The following DCP2 variants were observed in gnomAD, a reference collection of about 807,000 sequenced individuals.
The protein encoded by DCP2 is m7GpppN-mRNA hydrolase.
A neutral mutation model predicts 56.1 loss-of-function variants in DCP2; 30 were observed. The ratio of observed to expected loss-of-function variants is 0.53; its 90% CI spans 0.40 to 0.73. The LOEUF (loss-of-function observed/expected upper bound fraction) is 0.73, where lower values mean the gene tolerates loss of function less well. Ranked by LOEUF, DCP2 falls within the 30% of genes least tolerant of loss-of-function variation. The pLI is 0.00. For synonymous variants in DCP2, 197 were observed against 163.3 expected (o/e 1.21, Z -1.57); for missense variants, 533 against 502.7 (o/e 1.06, Z -0.58).
intron 2 of DCP2, among the ~76,000 whole-genome samples, chr5:112,990,718 A>C (rs1748546839): frequency 6.6e-6 from 1 of 152,204 alleles, no homozygotes; most frequent in Non-Finnish European, 1.5e-5. Context: ...CTAGGGTTAC[A>C]GGTATGAGCC....
chr5:113,002,624 A>C (rs918997222), intron 7 of DCP2, among the ~76,000 whole-genome samples: 1 of 152,022 alleles, frequency 6.6e-6, no homozygotes, highest in Non-Finnish European at 1.5e-5. Flanking sequence ...GGACTCAAGT[A>C]ATCATCCCAC....
intron 4 of DCP2, among the ~76,000 whole-genome samples, chr5:112,995,564 G>GCA (rs1748809985): frequency 6.6e-6 from 1 of 152,164 alleles, no homozygotes; most frequent in Non-Finnish European, 1.5e-5. Context: ...TTTGAGGGAA[G>GCA]CACAGGCATC....
intron 1 of DCP2, among the ~76,000 whole-genome samples, chr5:112,980,361 TTAAA>T (rs1747945383): frequency 6.6e-6 from 1 of 152,242 alleles, no homozygotes; most frequent in Non-Finnish European, 1.5e-5. Flanking sequence ...CGTAGGTTAA[TTAAA>T]TAATTTGTGC....
At position 112,978,355 on chromosome 5, in the gene DCP2, C is replaced by A. The variant is rs1747826471; in HGVS notation, c.53+1369C>A. On this transcript the variant is annotated intron_variant, in intron 1 of 10. Transcript: ENST00000389063. Reference sequence around the variant, plus strand: ...CTCAGTCAGCCGTGTTTGGTAGGTGCAGTTAGTATATTTCCATTTTCATCT... The same window carrying A: ...CTCAGTCAGCCGTGTTTGGTAGGTGAAGTTAGTATATTTCCATTTTCATCT... Among the ~76,000 whole-genome samples the A allele has an allele frequency of 2.6e-5, 4 of 152,164 alleles. No homozygotes were observed. In the South Asian group the frequency reaches 8.3e-4, roughly 32 times the overall value.
intron 4 of DCP2, 28 bp downstream of exon 4, chr5:112,992,798 A>T (rs1748653003): frequency 6.5e-7 from 1 of 1,533,112 alleles, no homozygotes; most frequent in South Asian, 1.3e-5. Context: ...GATACACAGT[A>T]AATTTGGCTA....
intron 10 of DCP2, among the ~76,000 whole-genome samples, chr5:113,012,116 T>A (rs1749701342): frequency 6.6e-6 from 1 of 152,146 alleles, no homozygotes; most frequent in Non-Finnish European, 1.5e-5. Context: ...TTTCACAGAA[T>A]CTTTTAAAAG....
intron 4 of DCP2, among the ~76,000 whole-genome samples, chr5:112,993,943 A>G (rs78418161): frequency 0.017 from 2,641 of 151,806 alleles, 66 homozygotes; most frequent in East Asian, 0.053. Context: ...TGGCAACATC[A>G]TAGTTTTAAT....
At position 113,014,610 on chromosome 5, in the gene DCP2, A is replaced by C. The variant is rs1749809276; in HGVS notation, c.*1126A>C. ...GAATGTATTTTGCTTCAGGATTTTT[A>C]AATTCAAATAAGGATGGCAGTGCCC... is the stretch of plus-strand genomic sequence containing the variant. On this transcript the variant is annotated 3_prime_UTR_variant, in exon 11 of 11. Coordinates refer to ENST00000389063, the MANE Select transcript of DCP2 (RefSeq NM_152624.6). The C allele has an allele frequency of 6.6e-6, 1 of 152,636 alleles. No homozygotes were observed. Among genetic ancestry groups the C allele is most frequent in the African/African-American group, 2.4e-5 (1 of 41,442 alleles). 9.5% of individuals were successfully genotyped at this position (152,636 alleles called of 1,614,324 possible).
intron 2 of DCP2, among the ~76,000 whole-genome samples, chr5:112,988,238 T>G (rs962209994): frequency 6.6e-6 from 1 of 151,692 alleles, no homozygotes; most frequent in Admixed American, 6.6e-5. Context: ...ATCCCAGCAC[T>G]TTGGGAGGCC....
intron 1 of DCP2, among the ~76,000 whole-genome samples, chr5:112,985,448 A>G (rs1394816491): frequency 6.6e-6 from 1 of 152,196 alleles, no homozygotes; most frequent in African/African-American, 2.4e-5. Flanking sequence ...AATATTTTGT[A>G]TGTGAAGATT....
chr5:112,990,661 T>G (rs925926355), intron 2 of DCP2, among the ~76,000 whole-genome samples: 3 of 152,138 alleles, frequency 2.0e-5, no homozygotes, highest in African/African-American at 7.2e-5. Context: ...AGGCTGGTCT[T>G]GAACTCCTGG....
At chr5:112,991,555 C>T (rs1294628891) in intron 2 of DCP2, among the ~76,000 whole-genome samples, 1 of 152,148 alleles carries the variant, frequency 6.6e-6, no homozygotes, top group Non-Finnish European at 1.5e-5. Context: ...ATTATGGAAA[C>T]AATATATATG....
At chr5:113,004,256 G>T (rs990461417) in intron 8 of DCP2, among the ~76,000 whole-genome samples, 179 bp downstream of exon 8, 1 of 152,108 alleles carries the variant, frequency 6.6e-6, no homozygotes, top group Non-Finnish European at 1.5e-5. Context: ...TTACAGTTCC[G>T]GTGTAAATCC....
At chr5:112,980,011 T>G (rs1747923304) in intron 1 of DCP2, among the ~76,000 whole-genome samples, 1 of 152,106 alleles carries the variant, frequency 6.6e-6, no homozygotes, top group Non-Finnish European at 1.5e-5. Context: ...AAGGGAAGAG[T>G]TTGGTCTTAA....
chr5:112,987,622 T>TTTTTTTG (rs1748359257), intron 2 of DCP2, among the ~76,000 whole-genome samples: 1 of 122,492 alleles, frequency 8.2e-6, no homozygotes, highest in Non-Finnish European at 1.7e-5. Context: ...CTAGGTGCCT[T>TTTTTTTG]TTTTTTTTTT....
rs1747727197 is a variant in DCP2 at position 112,976,861 on chromosome 5, A to C, written c.-73A>C. On this transcript the variant is annotated 5_prime_UTR_variant, in exon 1 of 11. Transcript: ENST00000389063. ...GGCTGCCAGCTCTCCGGCGAGCCGG[A>C]GTCCTAGTGCCGTACCGTCAGTCCC... 1 of 1,501,986 alleles carries C rather than the reference A, an allele frequency of 6.7e-7. No individual in the cohort carries two copies. 93.0% of individuals were successfully genotyped at this position (1,501,986 alleles called of 1,614,324 possible).
At chr5:113,005,151 G>GGTGGGTGTGTGTGTGTGTGTGTGT (rs1554101206) in intron 8 of DCP2, among the ~76,000 whole-genome samples, 4 of 149,420 alleles carry the variant, frequency 2.7e-5, no homozygotes, top group African/African-American at 9.9e-5. Flanking sequence ...TGTGCGTGTG[G>GGTGGGTGTGTGTGTGTGTGTGTGT]GTGTGTGTGT....
chr5:112,987,074 G>T (rs920142113), intron 2 of DCP2, among the ~76,000 whole-genome samples: 1 of 152,100 alleles, frequency 6.6e-6, no homozygotes, highest in Admixed American at 6.5e-5. Context: ...GAAACTTGTC[G>T]TGATTTATTA....
intron 2 of DCP2, among the ~76,000 whole-genome samples, chr5:112,991,531 TAA>T (rs1314902936): frequency 6.6e-6 from 1 of 152,212 alleles, no homozygotes; most frequent in Non-Finnish European, 1.5e-5. Flanking sequence ...TAAAATTTGT[TAA>T]AAGTGTTCTT....
Sources: allele counts gnomAD v4.1 joint callset (sites outside exome capture counted in the v4.1 genomes callset), GRCh38; gene constraint gnomAD v4.1.1; transcripts MANE v1.5; gene names NCBI Gene and HGNC (gene_info 2026-07-23, HGNC 2026-07-21).